Variants in TP63 observed in about 807,000 individuals in gnomAD.
The protein encoded by TP63 is tumor protein p63.
A neutral mutation model predicts 82.8 loss-of-function variants in TP63; 17 were observed. The observed-to-expected ratio is 0.21, with a 90% CI of 0.14 to 0.31. The LOEUF is 0.31. Among genes scored for constraint, TP63 ranks in the 10% least tolerant of loss-of-function variants. The probability of loss-of-function intolerance (pLI) is 1.00; values close to 1 mark genes in which losing one functional copy is unlikely to be tolerated. For missense variants in TP63, 648 were observed against 895.3 expected, an observed-to-expected ratio of 0.72 and a Z score of 3.52; for synonymous variants, 330 against 321.7, an observed-to-expected ratio of 1.03 and a Z score of -0.28.
At position 189,659,565 on chromosome 3, in the gene TP63, G is replaced by C. The variant is rs1196829360; in HGVS notation, c.62+27988G>C. Reference sequence around the variant, plus strand: ...TTTTAATAAAATATTTTTTTCTTTTGTGTATGTACTCAGTAATGGAATTGC... The same window carrying C: ...TTTTAATAAAATATTTTTTTCTTTTCTGTATGTACTCAGTAATGGAATTGC... On this transcript the variant is annotated intron_variant, in intron 1 of 13. Transcript: ENST00000264731. Among the ~76,000 whole-genome samples the C allele has an allele frequency of 2.6e-5, 4 of 151,854 alleles. No individual in the cohort carries two copies. The East Asian group carries it at 7.7e-4, about 29-fold the overall frequency.
chr3:189,642,283 T>C (rs1711959943), intron 1 of TP63, among the ~76,000 whole-genome samples: 1 of 152,198 alleles, frequency 6.6e-6, no homozygotes, highest in Non-Finnish European at 1.5e-5. Flanking sequence ...ACGTTTGATT[T>C]TGTATTTTTA....
chr3:189,860,478 G>A (rs1438635515), intron 4 of TP63, among the ~76,000 whole-genome samples: 2 of 152,078 alleles, frequency 1.3e-5, no homozygotes, highest in Non-Finnish European at 2.9e-5. Context: ...AAAAATAAAG[G>A]TCATCATGGA....
intron 10 of TP63, among the ~76,000 whole-genome samples, chr3:189,875,199 A>G (rs1420623060): frequency 6.6e-6 from 1 of 151,676 alleles, no homozygotes; most frequent in Admixed American, 6.6e-5. Flanking sequence ...AACTTTATGG[A>G]CCCTAAAATT....
the TP63 span, among the ~76,000 whole-genome samples, chr3:189,602,013 A>T: frequency 6.6e-6 from 1 of 152,162 alleles, no homozygotes; most frequent in Non-Finnish European, 1.5e-5. Context: ...AGTGTGAAAG[A>T]GTGGGAATAA....
At chr3:189,679,763 A>G (rs1383482830) in intron 1 of TP63, among the ~76,000 whole-genome samples, 1 of 152,152 alleles carries the variant, frequency 6.6e-6, no homozygotes, top group Non-Finnish European at 1.5e-5. Context: ...CTACAGCTCC[A>G]GGTTTTATGT....
intron 1 of TP63, among the ~76,000 whole-genome samples, chr3:189,658,725 A>G (rs12638113): frequency 0.068 from 10,414 of 152,100 alleles, 463 homozygotes; most frequent in Middle Eastern, 0.2. Context: ...TGTTGTAACT[A>G]AGAGCCAAAT....
chr3:189,605,333 A>G, the TP63 span, among the ~76,000 whole-genome samples: 127 of 152,336 alleles, frequency 8.3e-4, 1 homozygote, highest in South Asian at 4.6e-3. Context: ...TGCTTTTGTC[A>G]AGGATCTCTG....
At chr3:189,870,545 G>T (rs565698191) in intron 9 of TP63, among the ~76,000 whole-genome samples, 1 of 152,080 alleles carries the variant, frequency 6.6e-6, no homozygotes, top group Non-Finnish European at 1.5e-5. Context: ...ATGGGGGTGG[G>T]TAGTCCTGGA....
At chr3:189,724,459 C>CTTTT (rs1719624073) in intron 1 of TP63, among the ~76,000 whole-genome samples, 1 of 152,162 alleles carries the variant, frequency 6.6e-6, no homozygotes, top group Admixed American at 6.5e-5. Context: ...GATTTGTAGT[C>CTTTT]TTTTATCCCT....
At chr3:189,722,053 A>T (rs1719433137) in intron 1 of TP63, among the ~76,000 whole-genome samples, 1 of 152,212 alleles carries the variant, frequency 6.6e-6, no homozygotes, top group Non-Finnish European at 1.5e-5. Context: ...AGGATGAATT[A>T]GGTCAGAAGA....
intron 4 of TP63, among the ~76,000 whole-genome samples, chr3:189,853,194 C>T (rs776134789): frequency 6.6e-5 from 10 of 152,208 alleles, no homozygotes; most frequent in Admixed American, 1.3e-4. Flanking sequence ...TTCCTGCTTC[C>T]GTCTTTGTTC....
intron 1 of TP63, among the ~76,000 whole-genome samples, chr3:189,665,340 T>C (rs959724137): frequency 9.9e-5 from 15 of 152,250 alleles, no homozygotes; most frequent in African/African-American, 1.7e-4. Context: ...ATATCACAAA[T>C]ATTGATCAGC....
intron 10 of TP63, among the ~76,000 whole-genome samples, chr3:189,875,611 T>TATATATATATATATATATATATACACAC (rs1719021971): frequency 1.6e-4 from 12 of 77,028 alleles, no homozygotes; most frequent in East Asian, 3.5e-4. Flanking sequence ...TATATATATA[T>TATATATATATATATATATATATACACAC]ATATATATAT....
chr3:189,869,673 T>A (rs1428698974), intron 9 of TP63, among the ~76,000 whole-genome samples: 2 of 151,944 alleles, frequency 1.3e-5, no homozygotes, highest in Non-Finnish European at 2.9e-5. Flanking sequence ...CATTTTCTCC[T>A]TGTATTCTCA....
intron 3 of TP63, among the ~76,000 whole-genome samples, chr3:189,785,431 T>C (rs1021587904): frequency 1.3e-5 from 2 of 152,116 alleles, no homozygotes; most frequent in African/African-American, 4.8e-5. Context: ...GCGTTAAGTA[T>C]ACAACTTTTT....
At chr3:189,768,245 G>T (rs566564796) in intron 3 of TP63, among the ~76,000 whole-genome samples, 1 of 151,960 alleles carries the variant, frequency 6.6e-6, no homozygotes, top group Non-Finnish European at 1.5e-5. Context: ...CAATAGCATT[G>T]GTTCAATAAA....
At chr3:189,700,237 G>T (rs1390586702) in intron 1 of TP63, among the ~76,000 whole-genome samples, 2 of 152,104 alleles carry the variant, frequency 1.3e-5, no homozygotes, top group African/African-American at 4.8e-5. Context: ...GGGCAGCATT[G>T]TGATGAGAGG....
At chr3:189,847,174 A>G (rs1714996645) in intron 4 of TP63, among the ~76,000 whole-genome samples, 1 of 150,114 alleles carries the variant, frequency 6.7e-6, no homozygotes, top group African/African-American at 2.4e-5. Flanking sequence ...CCTGGTCAAC[A>G]TGGTGAAACC....
chr3:189,880,836 A>C (rs187062184), intron 10 of TP63: 2 of 985,224 alleles, frequency 2.0e-6, no homozygotes, highest in Admixed American at 6.2e-5. Flanking sequence ...TGTAGGTAGA[A>C]CATTTCTTAA....
Sources: allele counts gnomAD v4.1 joint callset (sites outside exome capture counted in the v4.1 genomes callset), GRCh38; gene constraint gnomAD v4.1.1; transcripts MANE v1.5; gene names NCBI Gene and HGNC (gene_info 2026-07-23, HGNC 2026-07-21).